Variants in UTS2B observed in about 807,000 individuals in gnomAD.
UTS2B encodes the protein urotensin 2B.
In UTS2B, 21 loss-of-function variants were observed where a neutral mutation model predicts 19.2. That is an observed-to-expected ratio of 1.09 (90% CI 0.78 to 1.58). The LOEUF is 1.58. Ranked by LOEUF, UTS2B falls within the 40% of genes most tolerant of loss-of-function variation. UTS2B has a pLI of 0.00. For synonymous variants in UTS2B, 57 were observed against 50.2 expected, an observed-to-expected ratio of 1.14 and a Z score of -0.58; for missense variants, 138 against 130.3, an observed-to-expected ratio of 1.06 and a Z score of -0.29.
chr3:191,320,610 C>T (rs58589870), intron 2 of UTS2B, among the ~76,000 whole-genome samples: 2,144 of 152,178 alleles, frequency 0.014, 48 homozygotes, highest in African/African-American at 0.048. Context: ...CGGCCAAAAC[C>T]CAAGTGAGAG....
chr3:191,295,082 A>G (rs1716823338), intron 4 of UTS2B, among the ~76,000 whole-genome samples: 1 of 152,106 alleles, frequency 6.6e-6, no homozygotes, highest in East Asian at 1.9e-4. Context: ...TTAAAACAAA[A>G]CAAAACACCA....
At chr3:191,309,462 C>G (rs1717230952) in intron 3 of UTS2B, among the ~76,000 whole-genome samples, 1 of 152,188 alleles carries the variant, frequency 6.6e-6, no homozygotes, top group Non-Finnish European at 1.5e-5. Flanking sequence ...CGTGAGCCAC[C>G]TCGCCTGGCC....
intron 8 of UTS2B, chr3:191,273,496 T>A (rs1294808139): frequency 2.2e-6 from 1 of 456,736 alleles, no homozygotes; most frequent in Non-Finnish European, 4.4e-6. Context: ...CTGGGATGTA[T>A]CCTTTATCCT....
chr3:191,318,410 T>C (rs559625802), intron 2 of UTS2B, among the ~76,000 whole-genome samples: 2 of 151,846 alleles, frequency 1.3e-5, no homozygotes, highest in South Asian at 4.2e-4. Context: ...AAAAGTTGAC[T>C]GAATGGTTCA....
chr3:191,320,051 T>C (rs2108611991), intron 2 of UTS2B, among the ~76,000 whole-genome samples: 1 of 152,268 alleles, frequency 6.6e-6, no homozygotes, highest in South Asian at 2.1e-4. Context: ...TACTGACAAT[T>C]ACAGCATTAA....
intron 3 of UTS2B, among the ~76,000 whole-genome samples, chr3:191,310,822 C>G (rs898594537): frequency 6.6e-6 from 1 of 152,128 alleles, no homozygotes; most frequent in African/African-American, 2.4e-5. Flanking sequence ...ATGAATTGAT[C>G]AAAAAAGTGC....
chr3:191,306,844 C>T (rs569425939), intron 3 of UTS2B, among the ~76,000 whole-genome samples: 6 of 152,184 alleles, frequency 3.9e-5, no homozygotes, highest in South Asian at 4.2e-4. Flanking sequence ...GTTGGCCAGG[C>T]GGGTCTTGAA....
At chr3:191,318,314 A>G (rs1289074629) in intron 2 of UTS2B, among the ~76,000 whole-genome samples, 1 of 152,242 alleles carries the variant, frequency 6.6e-6, no homozygotes, top group East Asian at 1.9e-4. Context: ...GGGCAAAACA[A>G]AATCTTGAGG....
At chr3:191,281,333 A>C (rs1716379206) in intron 5 of UTS2B, among the ~76,000 whole-genome samples, 1 of 152,154 alleles carries the variant, frequency 6.6e-6, no homozygotes, top group Admixed American at 6.5e-5. Flanking sequence ...AAATGTATTA[A>C]AGTTTCAATG....
chr3:191,328,623 A>C lies in UTS2B; in HGVS notation c.-586+8T>G, dbSNP rs1228716013. 6.6e-6 allele frequency: 1 copy of C among 152,236 alleles called. No individual in the cohort carries two copies. The highest frequency in any genetic ancestry group is 2.4e-5 in the African/African-American group (1 of 41,434). The allele number at this position is 152,236 out of a possible 1,614,324, so 9.4% of individuals were successfully genotyped here. On this transcript the variant is annotated splice_region_variant and intron_variant, in intron 2 of 8. Transcript: ENST00000340524. ...CAGACATGGCACACGTTTGGGAGAG[A>C]AGCTCACCTCTGAGGAGTGGGGAAA...
chr3:191,273,974 T>C (rs1023203579), intron 8 of UTS2B, among the ~76,000 whole-genome samples: 2 of 152,112 alleles, frequency 1.3e-5, no homozygotes, highest in Non-Finnish European at 2.9e-5. Flanking sequence ...TGATGGTGCA[T>C]GCCTGTAATC....
At chr3:191,285,322 C>G (rs1299760124) in intron 4 of UTS2B, among the ~76,000 whole-genome samples, 2 of 151,846 alleles carry the variant, frequency 1.3e-5, no homozygotes, top group African/African-American at 2.4e-5. Flanking sequence ...AAGCACAAAG[C>G]AAAAACCTAT....
At chr3:191,289,433 A>AATAAATAC (rs1716650388) in intron 4 of UTS2B, among the ~76,000 whole-genome samples, 1 of 144,848 alleles carries the variant, frequency 6.9e-6, no homozygotes, top group Admixed American at 7.0e-5. Flanking sequence ...TAAATAAATA[A>AATAAATAC]ATAAATAAAT....
intron 2 of UTS2B, among the ~76,000 whole-genome samples, chr3:191,321,133 T>A (rs1717600313): frequency 6.6e-6 from 1 of 152,142 alleles, no homozygotes; most frequent in African/African-American, 2.4e-5. Flanking sequence ...ACTGTAGCAT[T>A]TAAATGTTTG....
intron 8 of UTS2B, among the ~76,000 whole-genome samples, chr3:191,272,991 C>G (rs1716131014): frequency 6.6e-6 from 1 of 151,450 alleles, no homozygotes; most frequent in Admixed American, 6.6e-5. Flanking sequence ...ATGATGAAAC[C>G]CCCATCTCTA....
chr3:191,311,720 A>C (rs1014721589), intron 3 of UTS2B, among the ~76,000 whole-genome samples: 1 of 152,232 alleles, frequency 6.6e-6, no homozygotes, highest in Non-Finnish European at 1.5e-5. Context: ...TGCATTCATT[A>C]GTGCCTTAAT....
chr3:191,321,996 C>T lies in UTS2B; in HGVS notation c.-585-5557G>A, dbSNP rs142479381. On this transcript the variant is annotated intron_variant, in intron 2 of 8. Coordinates refer to ENST00000340524, the MANE Select transcript of UTS2B (RefSeq NM_198152.5). The stretch of plus-strand genomic sequence containing the variant: ...GAGCTAAGATTGCGCCATTGCACTC[C>T]AGCCTGGGTGACAAGAGAAAAACTC... 4.1e-3 allele frequency among the ~76,000 whole-genome samples: 628 copies of T among 152,224 alleles called. 5 individuals are homozygous for T. Among genetic ancestry groups the T allele is most frequent in the African/African-American group, 0.015 (609 of 41,528 alleles).
In UTS2B at chr3:191,275,383, A is replaced by T. The variant is rs762811469; in HGVS notation, c.241-38T>A. On this transcript the variant is annotated intron_variant, in intron 7 of 8. Coordinates refer to ENST00000340524, the MANE Select transcript of UTS2B (RefSeq NM_198152.5). ...TAAAATGATAATTAATTGGTCTTCT[A>T]TAAAACCATGCTGTTGACCGGGCGC... The T allele has an allele frequency of 2.6e-6, 4 of 1,558,246 alleles. No individual in the cohort carries two copies. In the South Asian group the frequency reaches 4.4e-5, roughly 17 times the overall value.
chr3:191,280,577 T>G (rs1190583927), intron 5 of UTS2B, among the ~76,000 whole-genome samples: 4 of 152,132 alleles, frequency 2.6e-5, no homozygotes, highest in Admixed American at 6.5e-5. Flanking sequence ...CTTCCTTATT[T>G]ACATATAATA....
Sources: gnomAD v4.1 joint callset for allele counts (sites outside exome capture counted in the v4.1 genomes callset) on GRCh38, gnomAD v4.1.1 for gene constraint, MANE v1.5 for transcripts, NCBI Gene and HGNC (gene_info 2026-07-23, HGNC 2026-07-21) for gene names.